The following ZFYVE26 variants were observed in gnomAD, a reference collection of about 807,000 sequenced individuals.
ZFYVE26 encodes the protein zinc finger FYVE-type containing 26, also known as zinc finger FYVE domain-containing protein 26.
In ZFYVE26, 181 loss-of-function variants were observed where a neutral mutation model predicts 276.5. That is an observed-to-expected ratio of 0.65 (90% CI 0.58 to 0.74). The LOEUF (loss-of-function observed/expected upper bound fraction) is 0.74. ZFYVE26 is among the 30% of genes least tolerant of loss of function. ZFYVE26 has a pLI of 0.00. For synonymous variants in ZFYVE26, 1,129 were observed against 1,203.1 expected (o/e 0.94, Z 1.27); for missense variants, 2,821 against 3,097.9 (o/e 0.91, Z 2.12).
intron 26 of ZFYVE26, among the ~76,000 whole-genome samples, chr14:67,775,334 A>G (rs1248341105): frequency 2.6e-5 from 4 of 152,194 alleles, no homozygotes; most frequent in African/African-American, 9.7e-5. Context: ...AGATAATGAA[A>G]TGGACACTAG....
chr14:67,816,109 C>T lies in ZFYVE26; in HGVS notation c.-83-63G>A, dbSNP rs1420383690. 11 of 640,360 alleles carry T rather than the reference C, an allele frequency of 1.7e-5. No homozygotes were observed. In the Admixed American group the frequency reaches 3.0e-4, roughly 18 times the overall value. 39.7% of individuals were successfully genotyped at this position (640,360 alleles called of 1,614,324 possible). A position where few individuals can be genotyped will look rare whatever the true frequency, so the allele number is the denominator to read the frequency against. ...GCACTGTATTAAGACAAAGCAGCAA[C>T]TACTGGTCCGCCTGGGAAAGGCGGG... On this transcript the variant is annotated intron_variant, in intron 1 of 41. Coordinates refer to ENST00000347230, the MANE Select transcript of ZFYVE26 (RefSeq NM_015346.4).
chr14:67,754,170 G>A lies in ZFYVE26; in HGVS notation c.7029C>T (p.Phe2343=), dbSNP rs764682896. 3.7e-6 allele frequency: 6 copies of A among 1,614,262 alleles called. No homozygotes were observed. Among genetic ancestry groups the A allele is most frequent in the Non-Finnish European group, 4.2e-6 (5 of 1,180,052 alleles). ...TLQLQMEVTR[F]LHRCESAGTS... Reference sequence around the variant, plus strand: ...TCCCAGCACTTTCGCACCGATGCAAGAACCTGGTCACTTCCATCTGCAGCT... The same window carrying A: ...TCCCAGCACTTTCGCACCGATGCAAAAACCTGGTCACTTCCATCTGCAGCT... Residue 2343 remains phenylalanine (F), a synonymous_variant, in exon 38 of 42, where the codon TTC becomes TTT. Transcript: ENST00000347230.
At position 67,767,778 on chromosome 14, in the gene ZFYVE26, C is replaced by T. The variant is rs753330080; in HGVS notation, c.5716G>A (p.Asp1906Asn). The T allele has an allele frequency of 5.5e-5, 89 of 1,614,166 alleles. No homozygotes were observed. Among genetic ancestry groups the T allele is most frequent in the Middle Eastern group, 1.6e-4 (1 of 6,062 alleles). ...YSFVVRVPKA[D>N]EVEWILDLKE... ...AGATCCAAAATCCATTCCACCTCAT[C>T]TGCTTTGGGGACTCTCACCACAAAC... Residue 1906 changes from aspartate (D) to asparagine (N), a missense_variant, in exon 31 of 42, where the codon GAT becomes AAT. By Grantham distance (23) the Asp-to-Asn change is conservative (BLOSUM62 1). Transcript: ENST00000347230.
intron 12 of ZFYVE26, among the ~76,000 whole-genome samples, chr14:67,795,601 G>A (rs780523455): frequency 1.3e-5 from 2 of 152,098 alleles, no homozygotes; most frequent in Non-Finnish European, 2.9e-5. Context: ...ACCTAGTATT[G>A]TTTAGCCCAT....
In ZFYVE26 at chr14:67,748,086, C is replaced by G. The variant is rs902890501; in HGVS notation, c.*350G>C. On this transcript the variant is annotated 3_prime_UTR_variant, in exon 42 of 42. Coordinates refer to ENST00000347230, the MANE Select transcript of ZFYVE26 (RefSeq NM_015346.4). ...GTGGCAAGTCTAAAGTAAAGTGCCT[C>G]TTTTAAATGGAGAAGAGTTTCATTT... The G allele has an allele frequency of 7.3e-5, 22 of 300,834 alleles. No individual in the cohort carries two copies. Among genetic ancestry groups the G allele is most frequent in the Middle Eastern group, 1.1e-3 (1 of 944 alleles). 18.6% of individuals were successfully genotyped at this position (300,834 alleles called of 1,614,324 possible).
chr14:67,779,260 C>T (rs2039432246), intron 23 of ZFYVE26, among the ~76,000 whole-genome samples: 1 of 152,048 alleles, frequency 6.6e-6, no homozygotes, highest in South Asian at 2.1e-4. Flanking sequence ...AAAAGTTGGA[C>T]AATATAAAAA....
At chr14:67,810,695 C>G (rs1281357433) in intron 3 of ZFYVE26, among the ~76,000 whole-genome samples, 1 of 152,174 alleles carries the variant, frequency 6.6e-6, no homozygotes, top group East Asian at 1.9e-4. Context: ...TGGTCCCTAA[C>G]ACACAAATTG....
At chr14:67,757,659 TTTC>T (rs1433904623) in intron 35 of ZFYVE26, among the ~76,000 whole-genome samples, 2 of 137,990 alleles carry the variant, frequency 1.4e-5, no homozygotes, top group Non-Finnish European at 3.0e-5. Context: ...TCTTTCTTTC[TTTC>T]TTTCTTTCTT....
At chr14:67,744,046 A>G (rs2038451933), downstream of ZFYVE26, among the ~76,000 whole-genome samples, 2 of 152,360 alleles carry the variant, frequency 1.3e-5, no homozygotes, top group South Asian at 4.1e-4. Flanking sequence ...TTGTGGAAGA[A>G]CTAAACATTT....
intron 3 of ZFYVE26, among the ~76,000 whole-genome samples, chr14:67,811,661 C>T (rs999257281): frequency 6.6e-6 from 1 of 151,222 alleles, no homozygotes; most frequent in Non-Finnish European, 1.5e-5. Context: ...ATATGTATGT[C>T]CAGTTAGTCT....
rs537136372 is a variant in ZFYVE26, at chr14:67,752,330, G to A, written c.7371+14C>T. The A allele has an allele frequency of 1.6e-4, 250 of 1,605,076 alleles. No individual in the cohort carries two copies. The South Asian group carries it at 2.5e-3, about 16-fold the overall frequency. ...AATTGATGGAGGAGCCAAGAGGTAC[G>A]GGAGGGAGTGTACCTGGGGCGGAAT... is the stretch of plus-strand genomic sequence containing the variant. On this transcript the variant is annotated intron_variant, in intron 40 of 41. Transcript: ENST00000347230.
intron 13 of ZFYVE26, among the ~76,000 whole-genome samples, chr14:67,733,364 G>A (rs576681420): frequency 6.6e-6 from 1 of 152,096 alleles, no homozygotes; most frequent in Non-Finnish European, 1.5e-5. Context: ...CTTCAATTAC[G>A]AATGTAGGCA....
intron 31 of ZFYVE26, among the ~76,000 whole-genome samples, chr14:67,767,308 T>C (rs1449054314): frequency 2.6e-5 from 4 of 152,168 alleles, no homozygotes; most frequent in Admixed American, 6.5e-5. Flanking sequence ...CTATTGACTC[T>C]ATGTTCCCTT....
At position 67,766,334 on chromosome 14, in the gene ZFYVE26, T is replaced by C. The variant is rs1303468263; in HGVS notation, c.5904A>G (p.Pro1968=). ...CCGTGAGCAGCCCGGCATCCACCTCTGGGTTGGTGAGGCCCTTGGAGAGCC... is the reference window on the plus strand; with the variant it reads ...CCGTGAGCAGCCCGGCATCCACCTCCGGGTTGGTGAGGCCCTTGGAGAGCC... The part of the protein sequence containing the change: ...CCRLSKGLTN[P]EVDAGLLTDI... The change falls in exon 32 of 42, where the codon CCA becomes CCG. Residue 1968 remains proline (P), a synonymous_variant. Transcript: ENST00000347230. 1.9e-6 allele frequency: 3 copies of C among 1,613,274 alleles called. No individual in the cohort carries two copies. Among genetic ancestry groups the C allele is most frequent in the African/African-American group, 2.7e-5 (2 of 74,874 alleles).
At chr14:67,757,707 C>T (rs1014161523) in intron 35 of ZFYVE26, among the ~76,000 whole-genome samples, 1 of 147,936 alleles carries the variant, frequency 6.8e-6, no homozygotes, top group African/African-American at 2.6e-5. Flanking sequence ...TTCTTTCTCT[C>T]TCTCTTTCTT....
At position 67,778,092 on chromosome 14, in the gene ZFYVE26, C is replaced by T. The variant is rs751440238; in HGVS notation, c.4797+34G>A. The T allele has an allele frequency of 8.1e-6, 13 of 1,613,800 alleles. No homozygotes were observed. In the Admixed American group the frequency reaches 1.5e-4, roughly 19 times the overall value. ...GATTTGACTAAACTTCTTGTCCCACCCCAGAAGAAAAATGGAAAGAACTGG... is the reference window on the plus strand; with the variant it reads ...GATTTGACTAAACTTCTTGTCCCACTCCAGAAGAAAAATGGAAAGAACTGG... On this transcript the variant is annotated intron_variant, in intron 24 of 41. Transcript: ENST00000347230.
intron 41 of ZFYVE26, 101 bp downstream of exon 41, chr14:67,750,951 G>T (rs1434922118): frequency 7.0e-7 from 1 of 1,421,294 alleles, no homozygotes; most frequent in Middle Eastern, 1.7e-4. Flanking sequence ...TGAGATACGG[G>T]TTGTATGGAA....
intron 3 of ZFYVE26, 95 bp downstream of exon 3, chr14:67,813,891 T>C (rs1333371205): frequency 3.4e-6 from 3 of 873,150 alleles, no homozygotes; most frequent in East Asian, 2.6e-5. Context: ...AATTTAATGA[T>C]AAAGGAAGTA....
rs775671994 is a variant in ZFYVE26 at position 67,783,035 on chromosome 14, C to G, written c.4117G>C (p.Ala1373Pro). The change falls in exon 21 of 42, where the codon GCC (alanine) becomes CCC (proline). Residue 1373 changes from alanine to proline, a missense_variant. Coordinates refer to ENST00000347230, the MANE Select transcript of ZFYVE26 (RefSeq NM_015346.4). ...FPLFEAFLLA[A>P]WEPLRGSLQQ... ...AAAGACCCTCGCAGGGGCTCCCAGG[C>G]AGCCAGGAGGAAGGCCTCAAACAGA... is the stretch of plus-strand genomic sequence containing the variant. 2 of 1,614,210 alleles carry G rather than the reference C, an allele frequency of 1.2e-6. No individual in the cohort carries two copies. Among genetic ancestry groups the G allele is most frequent in the Non-Finnish European group, 1.7e-6 (2 of 1,180,028 alleles).
Sources: allele counts gnomAD v4.1 joint callset (sites outside exome capture counted in the v4.1 genomes callset), GRCh38; gene constraint gnomAD v4.1.1; transcripts MANE v1.5; gene names NCBI Gene and HGNC (gene_info 2026-07-23, HGNC 2026-07-21).